Variants in PCNT observed in about 807,000 individuals in gnomAD.
The protein encoded by PCNT is pericentrin.
A neutral mutation model predicts 380.4 loss-of-function variants in PCNT; 319 were observed. That is an observed-to-expected ratio of 0.84 (90% confidence interval 0.77 to 0.92). The LOEUF is 0.92. Ranked by LOEUF, PCNT falls within the 40% of genes least tolerant of loss-of-function variation. PCNT has a pLI of 0.00. For missense variants in PCNT, 4,400 were observed against 4,255.3 expected (o/e 1.03, Z -0.95); for synonymous variants, 1,845 against 1,735.2 (o/e 1.06, Z -1.57).
At position 46,334,380 on chromosome 21, in the gene PCNT, G is replaced by C. The variant is rs1410202086; in HGVS notation, c.268-17G>C. ...GACCTTGCTTTAAATGCTTCTTTCT[G>C]GTCCTCCCCTTCTTAGCCGGAGGAC... On this transcript the variant is annotated splice_polypyrimidine_tract_variant and intron_variant, in intron 2 of 46. Coordinates refer to ENST00000359568, the MANE Select transcript of PCNT (RefSeq NM_006031.6). The C allele has an allele frequency of 1.9e-6, 3 of 1,614,054 alleles. No individual in the cohort carries two copies. The highest frequency in any genetic ancestry group is 2.5e-6 in the Non-Finnish European group (3 of 1,179,972).
chr21:46,390,468 A>G (rs554715657), intron 19 of PCNT, among the ~76,000 whole-genome samples: 1 of 151,386 alleles, frequency 6.6e-6, no homozygotes, highest in African/African-American at 2.4e-5. Flanking sequence ...TGGGAGGCTG[A>G]GGAGGGGTCC....
At chr21:46,360,873 G>A (rs1480542996) in intron 13 of PCNT, among the ~76,000 whole-genome samples, 1 of 152,160 alleles carries the variant, frequency 6.6e-6, no homozygotes, top group African/African-American at 2.4e-5. Flanking sequence ...TTGCAGTGCT[G>A]AGTCTATAAA....
rs540929476 is a variant in PCNT, at chr21:46,411,930, C to T, written c.5857C>T (p.Arg1953Cys). The change falls in exon 28 of 47, where the codon CGC (arginine) becomes TGC (cysteine). Residue 1953 changes from arginine to cysteine, a missense_variant. Physicochemically the swap from Arg to Cys is radical, Grantham distance 180. Coordinates refer to ENST00000359568, the MANE Select transcript of PCNT (RefSeq NM_006031.6). ...GGTGGAGCTGGACAGGCGGCAGGCC[C>T]GCAGAGCCACAGCTCACACACGGGT... ...CQVELDRRQA[R>C]RATAHTRVPG... 28 of 1,592,586 alleles carry T rather than the reference C, an allele frequency of 1.8e-5. No individual in the cohort carries two copies. The highest frequency in any genetic ancestry group is 4.0e-4 in the Middle Eastern group (2 of 4,978).
chr21:46,324,472 G>C (rs1242317261), intron 1 of PCNT, among the ~76,000 whole-genome samples, 190 bp downstream of exon 1: 1 of 151,112 alleles, frequency 6.6e-6, no homozygotes, highest in Admixed American at 6.6e-5. Context: ...GCCGCTCTCC[G>C]CCAGGTCCCG....
chr21:46,411,825 G>T lies in PCNT; in HGVS notation c.5752G>T (p.Glu1918Ter), dbSNP rs749854039. ...QPLAAGAAPP[E>*]LQWLRAQCAR... ...CCTGGCAGCCGGGGCGGCGCCTCCC[G>T]AGCTGCAGTGGCTCCGAGCGCAGTG... The change falls in exon 28 of 47, where the codon GAG becomes TAG. Residue 1918 changes from glutamate to a stop codon, truncating the protein, a stop_gained. Transcript: ENST00000359568. LOFTEE classifies it high-confidence loss of function. 4 of 1,571,788 alleles carry T rather than the reference G, an allele frequency of 2.5e-6. No homozygotes were observed. The highest frequency in any genetic ancestry group is 1.7e-6 in the Non-Finnish European group (2 of 1,164,094).
In PCNT at chr21:46,366,573, T is replaced by C; in HGVS notation, c.2610-11T>C. 1.9e-6 allele frequency: 3 copies of C among 1,612,602 alleles called. No individual in the cohort carries two copies. Among genetic ancestry groups the C allele is most frequent in the East Asian group, 2.2e-5 (1 of 44,856 alleles). ...ATGTTTAACTGTCCTGTGTTCACTT[T>C]GTTGCCGCAGGTTTTTAGAGGAACG... is the stretch of plus-strand genomic sequence containing the variant. On this transcript the variant is annotated splice_polypyrimidine_tract_variant and intron_variant, in intron 14 of 46. Transcript: ENST00000359568.
chr21:46,349,951 C>T, intron 8 of PCNT, 131 bp downstream of exon 8: 1 of 906,612 alleles, frequency 1.1e-6, no homozygotes, highest in Non-Finnish European at 1.8e-6. Flanking sequence ...TGGCTGGGAA[C>T]AGTGGTTCAC....
In PCNT at chr21:46,351,460, T is replaced by C. The variant is rs747252763; in HGVS notation, c.1376T>C (p.Leu459Pro). The C allele has an allele frequency of 3.7e-6, 6 of 1,612,594 alleles. No individual in the cohort carries two copies. The highest frequency in any genetic ancestry group is 5.1e-6 in the Non-Finnish European group (6 of 1,178,602). The stretch of plus-strand genomic sequence containing the variant: ...AATCTTCAAGCATCATATGAAGACC[T>C]GAAGGCACAATCACAAGAAGAGATC... ...LENLQASYED[L>P]KAQSQEEIRR... is the part of the protein sequence containing the mutation. The change falls in exon 9 of 47, where the codon CTG (leucine) becomes CCG (proline). Residue 459 changes from leucine to proline, a missense_variant. Leu to Pro is a moderately conservative substitution (Grantham distance 98). Transcript: ENST00000359568.
At chr21:46,378,507 G>C (rs2085403888) in intron 15 of PCNT, among the ~76,000 whole-genome samples, 1 of 152,146 alleles carries the variant, frequency 6.6e-6, no homozygotes, top group African/African-American at 2.4e-5. Flanking sequence ...TGGGCAGGTA[G>C]TGCTTGCCAC....
intron 15 of PCNT, among the ~76,000 whole-genome samples, chr21:46,381,192 ATC>A (rs1199304718): frequency 3.9e-5 from 3 of 77,316 alleles, no homozygotes; most frequent in African/African-American, 8.9e-5. Flanking sequence ...AAAAAAAAAA[ATC>A]TCTGTGTGTG....
At chr21:46,426,046 C>T in intron 33 of PCNT, 75 bp downstream of exon 33, 1 of 1,269,684 alleles carries the variant, frequency 7.9e-7, no homozygotes, top group Non-Finnish European at 1.1e-6. Context: ...TCCTTAGGGC[C>T]ACGTGGACAC....
chr21:46,354,269 CG>C (rs1035006001), intron 11 of PCNT, among the ~76,000 whole-genome samples: 3 of 152,144 alleles, frequency 2.0e-5, no homozygotes, highest in African/African-American at 7.2e-5. Flanking sequence ...AGGGGGTGGC[CG>C]GGGGAGCCGG....
chr21:46,368,806 A>G (rs542790014), intron 15 of PCNT, among the ~76,000 whole-genome samples: 124 of 152,340 alleles, frequency 8.1e-4, no homozygotes, highest in Non-Finnish European at 1.5e-3. Context: ...GTTCTGGCAG[A>G]TCAATACCTT....
rs370020838 is a variant in PCNT, at chr21:46,324,326, C to T, written c.54+44C>T. ...TTCTCTAGCTGCTCTGGCGTGAAGT[C>T]CTAAGGGCGGCTCCGGTGCCCGCCA... On this transcript the variant is annotated intron_variant, in intron 1 of 46. Transcript: ENST00000359568. The T allele has an allele frequency of 3.0e-5, 45 of 1,517,958 alleles. No individual in the cohort carries two copies. In the African/African-American group the frequency reaches 4.0e-4, roughly 13 times the overall value. The allele number at this position is 1,517,958 out of a possible 1,614,324, so 94.0% of individuals were successfully genotyped here.
intron 21 of PCNT, among the ~76,000 whole-genome samples, chr21:46,396,898 C>T (rs117420504): frequency 0.046 from 7,073 of 152,254 alleles, 216 homozygotes; most frequent in Non-Finnish European, 0.063. Context: ...CCACCCCACC[C>T]GACCTAGATT....
chr21:46,437,111 C>A, intron 40 of PCNT, 30 bp downstream of exon 40: 3 of 1,495,418 alleles, frequency 2.0e-6, no homozygotes, highest in Non-Finnish European at 2.8e-6. Flanking sequence ...AGGTCCCTGG[C>A]CTGGCTCCTC....
intron 21 of PCNT, among the ~76,000 whole-genome samples, chr21:46,395,452 G>A (rs1237721577): frequency 6.9e-6 from 1 of 145,400 alleles, no homozygotes; most frequent in Non-Finnish European, 1.5e-5. Flanking sequence ...GAGACTTCAG[G>A]ACTCAGCAGC....
chr21:46,424,931 G>C (rs1602064033), intron 32 of PCNT, among the ~76,000 whole-genome samples: 1 of 152,122 alleles, frequency 6.6e-6, no homozygotes, highest in Non-Finnish European at 1.5e-5. Flanking sequence ...GTTAATATTT[G>C]ACCTTTTTTG....
At position 46,411,473 on chromosome 21, in the gene PCNT, G is replaced by A. The variant is rs772236667; in HGVS notation, c.5400G>A (p.Glu1800=). The A allele has an allele frequency of 6.2e-7, 1 of 1,610,182 alleles. No individual in the cohort carries two copies. The highest frequency in any genetic ancestry group is 8.5e-7 in the Non-Finnish European group (1 of 1,178,930). Residue 1800 remains glutamate (E), a synonymous_variant, in exon 28 of 47, where the codon GAG becomes GAA. Transcript: ENST00000359568. ...GELEAALEAK[E]ALSRLLADQE... is the part of the protein sequence containing the mutation. ...TCGAGGCTGCGCTGGAAGCCAAGGA[G>A]GCCCTGAGCCGGCTGCTGGCTGACC...
Sources: allele counts gnomAD v4.1 joint callset (sites outside exome capture counted in the v4.1 genomes callset), GRCh38; gene constraint gnomAD v4.1.1; transcripts MANE v1.5; gene names NCBI Gene and HGNC (gene_info 2026-07-23, HGNC 2026-07-21).